VEGFD: variants seen among roughly 807,000 people sequenced by gnomAD.
The protein encoded by VEGFD is vascular endothelial growth factor D.
A neutral mutation model predicts 28.0 loss-of-function variants in VEGFD; 26 were observed. The observed-to-expected ratio is 0.93, with a 90% CI of 0.68 to 1.29. VEGFD has a LOEUF of 1.29. VEGFD is among the 50% of genes most tolerant of loss of function. The pLI is 0.00. For missense variants in VEGFD, 294 were observed against 273.4 expected, an observed-to-expected ratio of 1.08 and a Z score of -0.53; for synonymous variants, 93 against 95.5, an observed-to-expected ratio of 0.97 and a Z score of 0.15.
intron 1 of VEGFD, among the ~76,000 whole-genome samples, chrX:15,371,404 T>C (rs1923305291): frequency 8.9e-6 from 1 of 112,298 alleles, no homozygotes; most frequent in Non-Finnish European, 1.9e-5. Context: ...AGAAAGATGA[T>C]ATATCCTAAA....
At chrX:15,349,665 G>A (rs967540390) in intron 5 of VEGFD, among the ~76,000 whole-genome samples, 6 of 111,595 alleles carry the variant, frequency 5.4e-5, no homozygotes, top group Non-Finnish European at 1.1e-4. Flanking sequence ...TGTGTATATC[G>A]TTTGTTTTAA....
At chrX:15,354,261 G>A (rs1057414884) in intron 4 of VEGFD, among the ~76,000 whole-genome samples, 1 of 111,153 alleles carries the variant, frequency 9.0e-6, no homozygotes, top group Non-Finnish European at 1.9e-5. Context: ...GTGAGCCACC[G>A]TGCCCGGCCC....
At chrX:15,363,457 G>GA in intron 1 of VEGFD, 138 bp from the exon 2 acceptor site, 1 of 503,124 alleles carries the variant, frequency 2.0e-6, no homozygotes, top group Non-Finnish European at 3.2e-6. Context: ...CAGTGCCTAG[G>GA]AAAAAGGATA....
chrX:15,372,483 T>C (rs1156316560), intron 1 of VEGFD, among the ~76,000 whole-genome samples: 1 of 109,657 alleles, frequency 9.1e-6, no homozygotes, highest in African/African-American at 3.5e-5. Context: ...CTTGGCTTCT[T>C]CTTGAATCTA....
chrX:15,363,739 G>GTGTCCTTA (rs1271380107), intron 1 of VEGFD, among the ~76,000 whole-genome samples: 2 of 112,261 alleles, frequency 1.8e-5, no homozygotes, highest in Admixed American at 1.9e-4. Flanking sequence ...ACAATGACAA[G>GTGTCCTTA]TGTCCTTATA....
intron 1 of VEGFD, among the ~76,000 whole-genome samples, chrX:15,369,782 A>G (rs895420762): frequency 9.0e-6 from 1 of 111,483 alleles, no homozygotes; most frequent in Non-Finnish European, 1.9e-5. Flanking sequence ...TTCCTAATAT[A>G]CTTGAATGAA....
intron 2 of VEGFD, among the ~76,000 whole-genome samples, chrX:15,360,546 C>G (rs1216257167): frequency 9.0e-6 from 1 of 110,590 alleles, no homozygotes; most frequent in African/African-American, 3.3e-5. Context: ...ACCATGTTGG[C>G]CAGGCTGGTC....
At chrX:15,363,810 G>A (rs1256067442) in intron 1 of VEGFD, among the ~76,000 whole-genome samples, 2 of 111,963 alleles carry the variant, frequency 1.8e-5, no homozygotes, top group Admixed American at 9.5e-5. Flanking sequence ...GGCAGAGACC[G>A]GAGTGATGCA....
intron 4 of VEGFD, 24 bp downstream of exon 4, chrX:15,355,125 TA>T (rs757253535): frequency 2.2e-3 from 1,982 of 886,744 alleles, no homozygotes; most frequent in Admixed American, 4.2e-3. Context: ...TAATCCAGTA[TA>T]AAAAAAAAAA....
intron 1 of VEGFD, among the ~76,000 whole-genome samples, chrX:15,375,808 ATCC>A (rs1193875803): frequency 9.0e-6 from 1 of 111,228 alleles, no homozygotes; most frequent in East Asian, 2.8e-4. Flanking sequence ...GGACCTCCAC[ATCC>A]TCCAATTTGA....
At chrX:15,350,140 C>A (rs1922652609) in intron 5 of VEGFD, among the ~76,000 whole-genome samples, 1 of 111,039 alleles carries the variant, frequency 9.0e-6, no homozygotes, top group African/African-American at 3.3e-5. Flanking sequence ...AGCTCCCATG[C>A]AAGAATTACA....
intron 1 of VEGFD, among the ~76,000 whole-genome samples, chrX:15,380,818 C>G (rs762516164): frequency 8.9e-6 from 1 of 112,749 alleles, no homozygotes; most frequent in African/African-American, 3.2e-5. Flanking sequence ...GTACTTAGGG[C>G]TGTCACATAC....
intron 1 of VEGFD, among the ~76,000 whole-genome samples, chrX:15,379,725 C>T (rs897288656): frequency 8.9e-6 from 1 of 111,988 alleles, no homozygotes; most frequent in Non-Finnish European, 1.9e-5. Context: ...ATTTCTGTAG[C>T]ACCTCTATCC....
At position 15,364,877 on chromosome X, in the gene VEGFD, A is replaced by G. The variant is rs1191298433; in HGVS notation, c.91-1558T>C. Among the ~76,000 whole-genome samples the G allele has an allele frequency of 2.7e-5, 3 of 112,453 alleles. No homozygotes were observed. The Admixed American group carries it at 2.8e-4, about 11-fold the overall frequency. On this transcript the variant is annotated intron_variant, in intron 1 of 6. Coordinates refer to ENST00000297904, the MANE Select transcript of VEGFD (RefSeq NM_004469.5). ...CCACTGAGCCTCAAAAGCTGTAGTT[A>G]AAATCTACATCATGCATTAGCATTT...
intron 1 of VEGFD, among the ~76,000 whole-genome samples, chrX:15,381,926 G>A (rs1025258252): frequency 5.1e-5 from 1 of 19,632 alleles, no homozygotes; most frequent in Non-Finnish European, 7.6e-5. Flanking sequence ...CATCCTCCAC[G>A]TGTAACAACT....
intron 1 of VEGFD, among the ~76,000 whole-genome samples, chrX:15,368,027 A>AAAGAAAGAAAGG (rs1346653041): frequency 3.6e-5 from 3 of 83,085 alleles, no homozygotes; most frequent in African/African-American, 5.0e-5. Flanking sequence ...AGAAAGAAAG[A>AAAGAAAGAAAGG]AAGGAAAGAA....
At chrX:15,359,168 C>T (rs12859735) in intron 2 of VEGFD, among the ~76,000 whole-genome samples, 8,752 of 109,925 alleles carry the variant, frequency 0.08, 460 homozygotes, top group African/African-American at 0.19. Context: ...GCCTTCCCCT[C>T]GTGTGTGAGC....
At chrX:15,368,077 A>AG (rs1360836925) in intron 1 of VEGFD, among the ~76,000 whole-genome samples, 9 of 107,799 alleles carry the variant, frequency 8.3e-5, no homozygotes, top group African/African-American at 2.7e-4. Flanking sequence ...AAAGAAAGAA[A>AG]GAAAGAAAAG....
At chrX:15,369,492 G>A (rs1425576682) in intron 1 of VEGFD, among the ~76,000 whole-genome samples, 2 of 111,463 alleles carry the variant, frequency 1.8e-5, no homozygotes, top group African/African-American at 3.3e-5. Context: ...TAAACAAAAG[G>A]ACTGACAATA....
Sources: allele counts gnomAD v4.1 joint callset (sites outside exome capture counted in the v4.1 genomes callset), GRCh38; gene constraint gnomAD v4.1.1; transcripts MANE v1.5; gene names NCBI Gene and HGNC (gene_info 2026-07-23, HGNC 2026-07-21).